MGAT4C: variants seen among roughly 807,000 people sequenced by gnomAD.
MGAT4C encodes alpha-1,3-mannosyl-glycoprotein 4-beta-N-acetylglucosaminyltransferase C.
MGAT4C carries 19 observed loss-of-function variants against 40.1 expected under a neutral mutation model. That is an observed-to-expected ratio of 0.47 (90% CI 0.33 to 0.70). The LOEUF (loss-of-function observed/expected upper bound fraction) is 0.70, where lower values mean the gene tolerates loss of function less well. Ranked by LOEUF, MGAT4C falls within the 30% of genes least tolerant of loss-of-function variation. The probability of loss-of-function intolerance (pLI) is 0.02; values close to 1 mark genes in which losing one functional copy is unlikely to be tolerated. For synonymous variants in MGAT4C, 181 were observed against 187.1 expected (o/e 0.97, Z 0.27); for missense variants, 491 against 563.2 (o/e 0.87, Z 1.30).
At chr12:86,211,428 A>AAAAAAAAAAAAAAAAAAG (rs1950460331) in intron 1 of MGAT4C, among the ~76,000 whole-genome samples, 1 of 136,988 alleles carries the variant, frequency 7.3e-6, no homozygotes, top group Non-Finnish European at 1.6e-5. Flanking sequence ...AAAAAAAAAA[A>AAAAAAAAAAAAAAAAAAG]AAAAAAAAAT....
At chr12:86,477,621 G>A (rs1324943838) in intron 2 of MGAT4C, among the ~76,000 whole-genome samples, 1 of 152,016 alleles carries the variant, frequency 6.6e-6, no homozygotes, top group Non-Finnish European at 1.5e-5. Flanking sequence ...TATACTTTGA[G>A]TTCTAGGGTA....
chr12:86,322,582 AT>A (rs957633480), intron 4 of MGAT4C, among the ~76,000 whole-genome samples: 39 of 151,730 alleles, frequency 2.6e-4, no homozygotes, highest in East Asian at 3.9e-4. Flanking sequence ...AGGTTTCTTA[AT>A]TTTTTTTATT....
chr12:86,037,483 T>C lies in MGAT4C; in HGVS notation c.-7+12191A>G, dbSNP rs1371555516. Among the ~76,000 whole-genome samples, 2 of 150,228 alleles carry C rather than the reference T, an allele frequency of 1.3e-5. 1 individual carries two copies. Among genetic ancestry groups the C allele is most frequent in the Non-Finnish European group, 3.0e-5 (2 of 66,990 alleles). ...TAAATGTGTCCCAGAGATTCTGGTA[T>C]GTTGTGTCTTTGTTCTCACTGATTT... On this transcript the variant is annotated intron_variant, in intron 2 of 4. Coordinates refer to ENST00000611864, the MANE Select transcript of MGAT4C (RefSeq NM_001351288.2).
At chr12:86,780,974 G>A (rs868712803) in intron 1 of MGAT4C, among the ~76,000 whole-genome samples, 1 of 151,814 alleles carries the variant, frequency 6.6e-6, no homozygotes, top group African/African-American at 2.4e-5. Context: ...TCATGTTGCC[G>A]CAAAAGACAC....
chr12:86,215,910 T>G (rs984741277), intron 1 of MGAT4C, among the ~76,000 whole-genome samples: 14 of 152,244 alleles, frequency 9.2e-5, no homozygotes, highest in South Asian at 2.1e-4. Flanking sequence ...AGATTTGAGC[T>G]CCACAGATTT....
At chr12:86,208,213 C>A (rs1323083014) in intron 1 of MGAT4C, among the ~76,000 whole-genome samples, 1 of 152,188 alleles carries the variant, frequency 6.6e-6, no homozygotes, top group Non-Finnish European at 1.5e-5. Context: ...TGCCTGTGAT[C>A]CCAGCACTTT....
intron 1 of MGAT4C, among the ~76,000 whole-genome samples, chr12:86,210,363 G>A (rs1368598448): frequency 6.6e-6 from 1 of 152,176 alleles, no homozygotes. Flanking sequence ...GTAAACAAAA[G>A]TGTGCATAAC....
chr12:86,717,494 T>C (rs1052811803), intron 2 of MGAT4C, among the ~76,000 whole-genome samples: 1 of 152,158 alleles, frequency 6.6e-6, no homozygotes, highest in Non-Finnish European at 1.5e-5. Context: ...AAGAAGTAGA[T>C]TATGCTGTCA....
chr12:86,289,730 G>A (rs970118980), intron 4 of MGAT4C, among the ~76,000 whole-genome samples: 2 of 152,086 alleles, frequency 1.3e-5, no homozygotes, highest in Non-Finnish European at 2.9e-5. Flanking sequence ...GTGTACAAAT[G>A]CTACTAATTT....
intron 1 of MGAT4C, among the ~76,000 whole-genome samples, chr12:86,737,757 T>C (rs1951009900): frequency 6.8e-6 from 1 of 147,460 alleles, no homozygotes; most frequent in Non-Finnish European, 1.5e-5. Context: ...GTTTCCCAGT[T>C]AAAAAAAAAA....
chr12:86,173,216 A>G (rs988401747), intron 1 of MGAT4C, among the ~76,000 whole-genome samples: 1 of 152,120 alleles, frequency 6.6e-6, no homozygotes, highest in Non-Finnish European at 1.5e-5. Flanking sequence ...AGTGATTTTC[A>G]TTACTAAGAA....
At chr12:86,653,326 A>C (rs544904052) in intron 2 of MGAT4C, among the ~76,000 whole-genome samples, 1 of 151,878 alleles carries the variant, frequency 6.6e-6, no homozygotes, top group Non-Finnish European at 1.5e-5. Flanking sequence ...TCACCTCAAA[A>C]AGCTTTTTTT....
At chr12:86,359,147 C>A (rs190178261) in intron 3 of MGAT4C, among the ~76,000 whole-genome samples, 1 of 152,278 alleles carries the variant, frequency 6.6e-6, no homozygotes, top group African/African-American at 2.4e-5. Context: ...ACAGTGCAAT[C>A]GAACTAGAAC....
intron 1 of MGAT4C, among the ~76,000 whole-genome samples, chr12:86,191,588 A>G (rs893828971): frequency 6.7e-6 from 1 of 149,822 alleles, no homozygotes; most frequent in African/African-American, 2.4e-5. Context: ...TACAACATAC[A>G]TGATCTGAAA....
At chr12:86,437,524 T>C (rs1957156788) in intron 2 of MGAT4C, among the ~76,000 whole-genome samples, 1 of 151,946 alleles carries the variant, frequency 6.6e-6, no homozygotes, top group African/African-American at 2.4e-5. Context: ...TAGTATTTAT[T>C]TGTTCTAGTT....
intron 2 of MGAT4C, among the ~76,000 whole-genome samples, chr12:86,450,814 TTACA>T (rs1957414360): frequency 1.3e-5 from 2 of 152,134 alleles, no homozygotes; most frequent in African/African-American, 2.4e-5. Flanking sequence ...ATATGCTTTC[TTACA>T]TACACGTTTG....
chr12:86,667,520 A>G (rs763353513), intron 2 of MGAT4C, among the ~76,000 whole-genome samples: 2 of 152,214 alleles, frequency 1.3e-5, no homozygotes, highest in Non-Finnish European at 2.9e-5. Context: ...ATGTGTAAAT[A>G]GCATCAGTTT....
chr12:86,264,009 A>C (rs1037802645), intron 4 of MGAT4C, among the ~76,000 whole-genome samples: 1 of 151,828 alleles, frequency 6.6e-6, no homozygotes, highest in Non-Finnish European at 1.5e-5. Context: ...CCACTTTTTA[A>C]TTGGATTACT....
intron 2 of MGAT4C, among the ~76,000 whole-genome samples, chr12:86,016,725 T>G (rs1889123130): frequency 6.6e-6 from 1 of 152,146 alleles, no homozygotes. Context: ...TGCAACACAG[T>G]GCATATTCTT....
Sources: gnomAD v4.1 joint callset for allele counts (sites outside exome capture counted in the v4.1 genomes callset) on GRCh38, gnomAD v4.1.1 for gene constraint, MANE v1.5 for transcripts, NCBI Gene and HGNC (gene_info 2026-07-23, HGNC 2026-07-21) for gene names.